TENM1: variants seen among roughly 807,000 people sequenced by gnomAD.
TENM1 encodes teneurin-1.
Under a neutral mutation model 174.8 loss-of-function variants are expected in TENM1, and 35 were observed. The observed-to-expected ratio is 0.20, with a 90% CI of 0.15 to 0.27. The LOEUF (loss-of-function observed/expected upper bound fraction) is 0.27. TENM1 is among the 10% of genes least tolerant of loss of function. TENM1 has a pLI of 1.00. For synonymous variants in TENM1, 781 were observed against 798.7 expected (o/e 0.98, Z 0.37); for missense variants, 1,633 against 2,130.1 (o/e 0.77, Z 4.59).
At chrX:124,598,843 A>C (rs2049966342) in intron 11 of TENM1, among the ~76,000 whole-genome samples, 2 of 111,600 alleles carry the variant, frequency 1.8e-5, no homozygotes, top group Non-Finnish European at 3.8e-5. Context: ...ATTTGATAGC[A>C]CAACAGGGTG....
At chrX:124,443,484 G>A (rs910635187) in intron 23 of TENM1, among the ~76,000 whole-genome samples, 3 of 111,806 alleles carry the variant, frequency 2.7e-5, no homozygotes, top group Non-Finnish European at 5.6e-5. Context: ...TTCTAGCTAG[G>A]AAGAATCACT....
At chrX:124,408,104 C>T (rs995835013) in intron 25 of TENM1, among the ~76,000 whole-genome samples, 4 of 110,927 alleles carry the variant, frequency 3.6e-5, no homozygotes, top group Middle Eastern at 4.6e-3. Context: ...GGTCTTCCAT[C>T]CAGGGGAGAA....
intron 3 of TENM1, among the ~76,000 whole-genome samples, chrX:124,863,506 G>A (rs751889449): frequency 1.8e-5 from 2 of 111,962 alleles, no homozygotes; most frequent in African/African-American, 3.2e-5. Context: ...CTGGGGTGGC[G>A]GTAACTACCA....
the TENM1 span, among the ~76,000 whole-genome samples, chrX:125,072,695 C>T: frequency 4.5e-5 from 5 of 110,417 alleles, no homozygotes; most frequent in East Asian, 2.9e-4. Flanking sequence ...GCACATGTAC[C>T]CTAAAACTTA....
At chrX:124,671,620 T>C (rs1308190778) in intron 6 of TENM1, 63 bp downstream of exon 9, 6 of 1,083,402 alleles carry the variant, frequency 5.5e-6, no homozygotes, top group Non-Finnish European at 7.5e-6. Flanking sequence ...CCATCCCAGC[T>C]ACAGTTCTAA....
At chrX:124,492,513 A>G (rs1362931913) in intron 20 of TENM1, among the ~76,000 whole-genome samples, 2 of 110,490 alleles carry the variant, frequency 1.8e-5, no homozygotes, top group Admixed American at 1.9e-4. Flanking sequence ...TTTTTTTTTA[A>G]AAGTGAATCT....
chrX:124,731,104 T>C (rs1234674141), intron 4 of TENM1, among the ~76,000 whole-genome samples: 5 of 111,550 alleles, frequency 4.5e-5, no homozygotes, highest in Non-Finnish European at 9.4e-5. Flanking sequence ...TAAGAGGGCA[T>C]GATGAAAATA....
At chrX:124,660,879 G>A in intron 6 of TENM1, among the ~76,000 whole-genome samples, 1 of 111,550 alleles carries the variant, frequency 9.0e-6, no homozygotes, top group Non-Finnish European at 1.9e-5. Context: ...TCCACAACTT[G>A]GTGTATACTC....
At chrX:124,583,006 T>C (rs1363863059) in intron 11 of TENM1, among the ~76,000 whole-genome samples, 3 of 112,553 alleles carry the variant, frequency 2.7e-5, no homozygotes, top group African/African-American at 9.7e-5. Context: ...TGCCCAGGCT[T>C]GCTTAGGTAA....
chrX:124,721,565 A>T (rs189670440), intron 4 of TENM1, among the ~76,000 whole-genome samples: 10 of 111,999 alleles, frequency 8.9e-5, no homozygotes, highest in Admixed American at 6.6e-4. Flanking sequence ...CAGGCAGGGA[A>T]ACTTAACCGA....
At position 124,536,735 on chromosome X, in the gene TENM1, T is replaced by C. The variant is rs185992097; in HGVS notation, c.2652-6752A>G. Among the ~76,000 whole-genome samples, 188 of 112,092 alleles carry C rather than the reference T, an allele frequency of 1.7e-3. 1 individual carries two copies. The highest frequency in any genetic ancestry group is 5.8e-3 in the African/African-American group (178 of 30,940). Reference sequence around the variant, plus strand: ...GCTTCATTTAGACACATGATTATTTTCGTCCAGAATTTGAATCCTGAAATA... The same window carrying C: ...GCTTCATTTAGACACATGATTATTTCCGTCCAGAATTTGAATCCTGAAATA... On this transcript the variant is annotated intron_variant, in intron 15 of 31. Coordinates refer to ENST00000422452, the Ensembl canonical transcript of TENM1.
At chrX:124,590,055 A>C (rs911994576) in intron 11 of TENM1, among the ~76,000 whole-genome samples, 5 of 111,644 alleles carry the variant, frequency 4.5e-5, no homozygotes, top group Non-Finnish European at 7.5e-5. Context: ...AGCGCTATAA[A>C]CTTTCCTCTT....
rs924044262 is a variant in TENM1 at position 124,888,491 on chromosome X, C to G, written c.535+5805G>C. ...TCAGGGAACTTCCTCTCACAGTCTT[C>G]TAAGTTTAGCAGAACAAGGTTGTTG... On this transcript the variant is annotated intron_variant, in intron 3 of 31. Transcript: ENST00000422452. 7.2e-5 allele frequency among the ~76,000 whole-genome samples: 8 copies of G among 111,751 alleles called. No individual in the cohort carries two copies. In the Admixed American group the frequency reaches 7.6e-4, roughly 11 times the overall value.
chrX:124,512,492 A>G (rs9887074), intron 18 of TENM1, among the ~76,000 whole-genome samples: 18,779 of 110,430 alleles, frequency 0.17, 1,225 homozygotes, highest in African/African-American at 0.2. Flanking sequence ...AGTGACTGTG[A>G]CTTTTGTACT....
chrX:124,812,291 AAATG>A (rs1044167365), intron 3 of TENM1, among the ~76,000 whole-genome samples: 4 of 111,625 alleles, frequency 3.6e-5, no homozygotes, highest in Non-Finnish European at 7.6e-5. Flanking sequence ...ATTTGAAAAT[AAATG>A]AATAATAAAA....
chrX:124,756,194 ATT>A (rs1366511628), intron 3 of TENM1, among the ~76,000 whole-genome samples: 3 of 91,924 alleles, frequency 3.3e-5, no homozygotes, highest in African/African-American at 1.5e-4. Flanking sequence ...GTTTCTTTTT[ATT>A]TTTTTTTTCT....
intron 3 of TENM1, among the ~76,000 whole-genome samples, chrX:124,758,543 T>C (rs1218558584): frequency 9.0e-6 from 1 of 111,238 alleles, no homozygotes; most frequent in African/African-American, 3.3e-5. Context: ...AGAGAATATA[T>C]CCAAAAGAGT....
chrX:125,153,248 AT>A, the TENM1 span, among the ~76,000 whole-genome samples: 2 of 111,579 alleles, frequency 1.8e-5, no homozygotes, highest in Admixed American at 9.6e-5. Flanking sequence ...TAAAATGGAG[AT>A]TTTTTTAAAA....
chrX:124,677,766 C>T (rs1007853682), intron 5 of TENM1, among the ~76,000 whole-genome samples: 2 of 110,910 alleles, frequency 1.8e-5, no homozygotes, highest in Non-Finnish European at 3.8e-5. Context: ...TGACTAAATA[C>T]AATATGGGGA....
Sources: gnomAD v4.1 joint callset for allele counts (sites outside exome capture counted in the v4.1 genomes callset) on GRCh38, gnomAD v4.1.1 for gene constraint, MANE v1.5 for transcripts, NCBI Gene and HGNC (gene_info 2026-07-23, HGNC 2026-07-21) for gene names.